ZNF544: variants seen among roughly 807,000 people sequenced by gnomAD.
The protein encoded by ZNF544 is zinc finger protein 544.
ZNF544 carries 10 observed loss-of-function variants against 13.5 expected under a neutral mutation model. That is an observed-to-expected ratio of 0.74 (90% CI 0.46 to 1.25). The LOEUF (loss-of-function observed/expected upper bound fraction) is 1.25, where lower values mean the gene tolerates loss of function less well. ZNF544 is among the 50% of genes most tolerant of loss of function. The pLI, the probability that ZNF544 is intolerant of heterozygous loss-of-function variation, is 0.00. For synonymous variants in ZNF544, 323 were observed against 300.5 expected (o/e 1.07, Z -0.77); for missense variants, 896 against 845.6 (o/e 1.06, Z -0.74).
At chr19:58,242,146 G>A (rs2044031379) in intron 3 of ZNF544, 1 of 760,010 alleles carries the variant, frequency 1.3e-6, no homozygotes, top group Non-Finnish European at 1.6e-6. Context: ...TGGGAAATGA[G>A]AGCATCGCTG....
chr19:58,243,887 G>A lies in ZNF544; in HGVS notation c.-59-78G>A, dbSNP rs1016359851. 103 of 1,219,082 alleles carry A rather than the reference G, an allele frequency of 8.4e-5. 1 individual carries two copies. The highest frequency in any genetic ancestry group is 1.0e-4 in the Non-Finnish European group (94 of 903,488). 75.5% of individuals were successfully genotyped at this position (1,219,082 alleles called of 1,614,324 possible). On this transcript the variant is annotated intron_variant, in intron 3 of 6. Coordinates refer to ENST00000687789, the MANE Select transcript of ZNF544 (RefSeq NM_014480.4). ...GGAAGCCCTGCTTGTGGCCGGCCCC[G>A]CGTTCTCTAGGGTGGGTGTTGGCCC...
chr19:58,265,538 G>A (rs765110279), downstream of ZNF544, among the ~76,000 whole-genome samples: 11 of 151,878 alleles, frequency 7.2e-5, no homozygotes, highest in Non-Finnish European at 1.5e-4. Context: ...CTCATGATCC[G>A]CCCACCTCGG....
intron 5 of ZNF544, among the ~76,000 whole-genome samples, chr19:58,269,521 G>C (rs1246249611): frequency 6.7e-6 from 1 of 148,978 alleles, no homozygotes; most frequent in East Asian, 2.0e-4. Context: ...TGAGGTAGGA[G>C]AATTGCTTGA....
intron 5 of ZNF544, 35 bp downstream of exon 5, chr19:58,246,462 C>G (rs1196739130): frequency 1.9e-6 from 3 of 1,611,780 alleles, no homozygotes; most frequent in Non-Finnish European, 2.5e-6. Flanking sequence ...AGGTTCTACC[C>G]CTAGGACTCA....
chr19:58,262,920 T>C lies in ZNF544; in HGVS notation c.*166T>C, dbSNP rs1269525863. The C allele has an allele frequency of 3.6e-5, 52 of 1,443,026 alleles. No homozygotes were observed. Among genetic ancestry groups the C allele is most frequent in the Admixed American group, 8.2e-5 (3 of 36,454 alleles). 89.4% of individuals were successfully genotyped at this position (1,443,026 alleles called of 1,614,324 possible). A position where few individuals can be genotyped will look rare whatever the true frequency, so the allele number is the denominator to read the frequency against. ...CCTGGAGAAAAGCCCTACGAATGCA[T>C]TGATTGTGGGAAAGCCTTCAATGAT... On this transcript the variant is annotated 3_prime_UTR_variant, in exon 7 of 7. Coordinates refer to ENST00000687789, the MANE Select transcript of ZNF544 (RefSeq NM_014480.4).
At chr19:58,230,732 CTG>C (rs1028506676) in intron 3 of ZNF544, among the ~76,000 whole-genome samples, 18 of 152,140 alleles carry the variant, frequency 1.2e-4, no homozygotes, top group African/African-American at 3.6e-4. Flanking sequence ...GAGGGGGAAA[CTG>C]AGAGTGTTGG....
At chr19:58,251,237 G>A in intron 6 of ZNF544, 1 of 503,978 alleles carries the variant, frequency 2.0e-6, no homozygotes, top group East Asian at 5.5e-5. Flanking sequence ...CCAGTTTAAA[G>A]TAACTAAGCA....
intron 3 of ZNF544, among the ~76,000 whole-genome samples, chr19:58,238,912 C>G (rs937813795): frequency 6.6e-6 from 1 of 151,524 alleles, no homozygotes; most frequent in Non-Finnish European, 1.5e-5. Context: ...TGCAAAGGGA[C>G]AGGCAGAACA....
At chr19:58,254,977 T>G (rs563094352) in intron 6 of ZNF544, among the ~76,000 whole-genome samples, 96 of 150,762 alleles carry the variant, frequency 6.4e-4, no homozygotes, top group African/African-American at 2.1e-3. Context: ...AAGCTCCGCC[T>G]CCCGGGTTCA....
chr19:58,256,624 C>T (rs1175686670), intron 6 of ZNF544, among the ~76,000 whole-genome samples: 2 of 152,244 alleles, frequency 1.3e-5, no homozygotes, highest in South Asian at 2.1e-4. Flanking sequence ...GGGTCTATGC[C>T]GGACACAAAC....
At chr19:58,240,755 C>A (rs542536175) in intron 3 of ZNF544, among the ~76,000 whole-genome samples, 4 of 151,068 alleles carry the variant, frequency 2.6e-5, no homozygotes, top group Non-Finnish European at 5.9e-5. Flanking sequence ...GAGTGAAACT[C>A]CATCTCAAAA....
chr19:58,266,708 T>C (rs1419904060), downstream of ZNF544: 1 of 148,040 alleles, frequency 6.8e-6, no homozygotes, highest in Non-Finnish European at 1.5e-5. Flanking sequence ...TCTTCCCCAT[T>C]TTTTTTTCTT....
intron 6 of ZNF544, chr19:58,247,382 C>T (rs972466904): frequency 1.4e-4 from 21 of 152,626 alleles, no homozygotes; most frequent in African/African-American, 4.6e-4. Flanking sequence ...CTGCCTCAGC[C>T]TCCCAAGTAG....
intron 3 of ZNF544, among the ~76,000 whole-genome samples, chr19:58,235,531 G>A (rs997829626): frequency 6.6e-6 from 1 of 152,136 alleles, no homozygotes; most frequent in Non-Finnish European, 1.5e-5. Flanking sequence ...AACCTAAAAT[G>A]TGTGTGATTT....
At chr19:58,239,191 C>T (rs1045913436) in intron 3 of ZNF544, among the ~76,000 whole-genome samples, 7 of 152,182 alleles carry the variant, frequency 4.6e-5, no homozygotes, top group African/African-American at 1.4e-4. Context: ...GTTCTTCCTC[C>T]CTGTAAAGCC....
chr19:58,272,110 G>A (rs766683339), intron 5 of ZNF544, among the ~76,000 whole-genome samples: 2 of 150,770 alleles, frequency 1.3e-5, no homozygotes, highest in Non-Finnish European at 2.9e-5. Context: ...GCAATGAGCC[G>A]AGATTGCCCC....
At chr19:58,251,226 T>C in intron 6 of ZNF544, 1 of 487,902 alleles carries the variant, frequency 2.0e-6, no homozygotes, top group Non-Finnish European at 4.1e-6. Flanking sequence ...GCTACTATTA[T>C]CCAGTTTAAA....
At chr19:58,256,206 C>T (rs896682730) in intron 6 of ZNF544, among the ~76,000 whole-genome samples, 7 of 151,828 alleles carry the variant, frequency 4.6e-5, no homozygotes, top group African/African-American at 1.7e-4. Flanking sequence ...AACCTCGAGC[C>T]TACCTCCTGG....
At chr19:58,275,731 G>T (rs1435595193) in intron 5 of ZNF544, among the ~76,000 whole-genome samples, 1 of 139,602 alleles carries the variant, frequency 7.2e-6, no homozygotes, top group East Asian at 2.0e-4. Context: ...GCTGCAGTGA[G>T]CTGTGATCAC....
Sources: allele counts gnomAD v4.1 joint callset (sites outside exome capture counted in the v4.1 genomes callset), GRCh38; gene constraint gnomAD v4.1.1; transcripts MANE v1.5; gene names NCBI Gene and HGNC (gene_info 2026-07-23, HGNC 2026-07-21).